Variants in AFF3 observed in about 807,000 individuals in gnomAD.
The protein encoded by AFF3 is ALF transcription elongation factor 3.
AFF3 carries 32 observed loss-of-function variants against 129.7 expected under a neutral mutation model. The ratio of observed to expected loss-of-function variants is 0.25; its 90% confidence interval spans 0.19 to 0.33. The LOEUF (loss-of-function observed/expected upper bound fraction) is 0.33, where lower values mean the gene tolerates loss of function less well. AFF3 is among the 10% of genes least tolerant of loss of function. The pLI is 1.00. For missense variants in AFF3, 1,373 were observed against 1,592.0 expected (o/e 0.86, Z 2.34); for synonymous variants, 644 against 635.4 (o/e 1.01, Z -0.20).
At chr2:99,716,369 T>C (rs1025542340) in intron 11 of AFF3, among the ~76,000 whole-genome samples, 6 of 152,114 alleles carry the variant, frequency 3.9e-5, no homozygotes, top group African/African-American at 1.4e-4. Flanking sequence ...GCTTCTAGGA[T>C]CTGAATCTTG....
intron 13 of AFF3, among the ~76,000 whole-genome samples, chr2:99,645,387 C>G (rs1684606294): frequency 6.6e-6 from 1 of 152,150 alleles, no homozygotes; most frequent in South Asian, 2.1e-4. Flanking sequence ...TCTCTTCTTG[C>G]CCTGTTTGTC....
intron 7 of AFF3, among the ~76,000 whole-genome samples, chr2:99,900,830 AGG>A (rs776837408): frequency 8.5e-5 from 13 of 152,198 alleles, no homozygotes; most frequent in Non-Finnish European, 1.8e-4. Flanking sequence ...CCATGACGAA[AGG>A]CTGTCTGGCA....
At chr2:99,766,785 G>A (rs991600978) in intron 8 of AFF3, among the ~76,000 whole-genome samples, 1 of 152,128 alleles carries the variant, frequency 6.6e-6, no homozygotes, top group African/African-American at 2.4e-5. Context: ...TTCTATGGGA[G>A]CAAACAAATA....
intron 7 of AFF3, among the ~76,000 whole-genome samples, chr2:99,950,744 CTCA>C (rs2106383829): frequency 6.6e-6 from 1 of 152,330 alleles, no homozygotes; most frequent in South Asian, 2.1e-4. Context: ...TACAATCAGA[CTCA>C]TATCAATATG....
At chr2:100,090,941 C>T (rs1459034008) in intron 4 of AFF3, among the ~76,000 whole-genome samples, 4 of 152,204 alleles carry the variant, frequency 2.6e-5, no homozygotes, top group Non-Finnish European at 5.9e-5. Flanking sequence ...CTACCCACCT[C>T]GGCCTCCCAA....
chr2:99,582,947 G>A lies in AFF3; in HGVS notation c.2644C>T (p.Pro882Ser), dbSNP rs1490986027. 4.3e-6 allele frequency: 7 copies of A among 1,614,034 alleles called. No homozygotes were observed. The highest frequency in any genetic ancestry group is 5.9e-6 in the Non-Finnish European group (7 of 1,180,036). ...NEKMLRSPIS[P>S]LSDASKHKYT... ...TTGTGTTTAGATGCATCAGAGAGGG[G>A]TGAGATGGGCGACCGAAGCATTTTT... The change falls in exon 17 of 25, where the codon CCC becomes TCC. Residue 882 changes from proline (P) to serine (S), a missense_variant. Physicochemically the swap from Pro to Ser is moderately conservative, Grantham distance 74. Transcript: ENST00000672756.
intron 2 of AFF3, among the ~76,000 whole-genome samples, chr2:100,108,124 G>A (rs77424572): frequency 8.6e-4 from 121 of 140,560 alleles, no homozygotes; most frequent in African/African-American, 2.5e-3. Context: ...AGCTGCAGAC[G>A]CATGACTCCA....
chr2:100,056,063 T>A (rs6542906), intron 4 of AFF3, among the ~76,000 whole-genome samples: 78,988 of 119,874 alleles, frequency 0.66, 24,376 homozygotes, highest in Admixed American at 0.74. Flanking sequence ...TGTCTCTCTC[T>A]CACACACACA....
intron 7 of AFF3, among the ~76,000 whole-genome samples, chr2:99,992,997 C>G (rs1409269847): frequency 6.6e-6 from 1 of 152,208 alleles, no homozygotes; most frequent in Non-Finnish European, 1.5e-5. Flanking sequence ...ATGCCCTCCC[C>G]TTTCTGTTCC....
At chr2:99,878,213 G>A (rs17436719) in intron 7 of AFF3, among the ~76,000 whole-genome samples, 4,384 of 152,296 alleles carry the variant, frequency 0.029, 80 homozygotes, top group Non-Finnish European at 0.041. Flanking sequence ...CGTGAGCTTT[G>A]AGTTGTGAAG....
intron 8 of AFF3, among the ~76,000 whole-genome samples, chr2:99,784,661 A>C (rs1033935783): frequency 8.3e-4 from 127 of 152,242 alleles, no homozygotes; most frequent in African/African-American, 3.0e-3. Context: ...ATTTGAGAGA[A>C]GAAGCTCTAT....
chr2:99,563,382 G>C (rs903829415), intron 20 of AFF3, among the ~76,000 whole-genome samples: 5 of 151,466 alleles, frequency 3.3e-5, no homozygotes, highest in African/African-American at 1.2e-4. Flanking sequence ...AGTAGAGACG[G>C]GGTTTCATCG....
At chr2:99,947,575 AAAG>A (rs1217380106) in intron 7 of AFF3, among the ~76,000 whole-genome samples, 4 of 143,176 alleles carry the variant, frequency 2.8e-5, no homozygotes, top group African/African-American at 5.4e-5. Context: ...GAAAGAAAGA[AAAG>A]AAAAGAAAGA....
chr2:99,654,190 T>C (rs924297830), intron 12 of AFF3, among the ~76,000 whole-genome samples: 5 of 152,230 alleles, frequency 3.3e-5, no homozygotes, highest in African/African-American at 1.2e-4. Flanking sequence ...TGCTCTGCTA[T>C]TTTTTAATGA....
chr2:99,658,731 G>A (rs1685976831), intron 12 of AFF3, among the ~76,000 whole-genome samples: 1 of 152,208 alleles, frequency 6.6e-6, no homozygotes, highest in South Asian at 2.1e-4. Context: ...AGGCCAGTGA[G>A]GGCTCCACAG....
intron 12 of AFF3, among the ~76,000 whole-genome samples, chr2:99,651,937 C>G (rs545256803): frequency 2.6e-5 from 4 of 152,228 alleles, no homozygotes; most frequent in African/African-American, 9.6e-5. Flanking sequence ...AAGCAGTTAT[C>G]GTCCCAGAAA....
chr2:100,008,387 T>C (rs910619840), intron 5 of AFF3, among the ~76,000 whole-genome samples: 2 of 152,240 alleles, frequency 1.3e-5, no homozygotes, highest in Non-Finnish European at 2.9e-5. Flanking sequence ...TTAGACTTTC[T>C]TTCTCATTAG....
At chr2:99,990,776 C>CT (rs1267345341) in intron 7 of AFF3, among the ~76,000 whole-genome samples, 12 of 152,098 alleles carry the variant, frequency 7.9e-5, no homozygotes, top group Non-Finnish European at 1.5e-4. Context: ...TCGAGAAGAG[C>CT]AATCAACAAG....
intron 8 of AFF3, among the ~76,000 whole-genome samples, chr2:99,758,433 G>A (rs1330913639): frequency 6.6e-6 from 1 of 151,926 alleles, no homozygotes; most frequent in East Asian, 2.0e-4. Flanking sequence ...CTAAAAATAC[G>A]AAATTAGCCA....
Sources: allele counts gnomAD v4.1 joint callset (sites outside exome capture counted in the v4.1 genomes callset), GRCh38; gene constraint gnomAD v4.1.1; transcripts MANE v1.5; gene names NCBI Gene and HGNC (gene_info 2026-07-23, HGNC 2026-07-21).